The following ADAMTS17 variants were observed in gnomAD, a reference collection of about 807,000 sequenced individuals.
ADAMTS17 encodes the protein A disintegrin and metalloproteinase with thrombospondin motifs 17.
A neutral mutation model predicts 141.5 loss-of-function variants in ADAMTS17; 113 were observed. The ratio of observed to expected loss-of-function variants is 0.80; its 90% CI spans 0.69 to 0.93. ADAMTS17 has a LOEUF of 0.93. Among genes scored for constraint, ADAMTS17 ranks in the 40% least tolerant of loss-of-function variants. The pLI, the probability that ADAMTS17 is intolerant of heterozygous loss-of-function variation, is 0.00. For synonymous variants in ADAMTS17, 768 were observed against 630.6 expected, an observed-to-expected ratio of 1.22 and a Z score of -3.27; for missense variants, 1,659 against 1,517.9, an observed-to-expected ratio of 1.09 and a Z score of -1.54.
chr15:99,997,599 G>A lies in ADAMTS17; in HGVS notation c.2592-10C>T, dbSNP rs751012843. On this transcript the variant is annotated splice_polypyrimidine_tract_variant and intron_variant, in intron 18 of 21. Transcript: ENST00000268070. This position sits in a 1 kb window ranked among gnomAD's most constrained non-coding sequence, Gnocchi z 4.7. ...CGGGCCTGCCACCCACCTGCCAGAC[G>A]GGAGGAAAGAGAGAGAGAACGACTG... 5.8e-5 allele frequency: 94 copies of A among 1,612,594 alleles called. No homozygotes were observed. The highest frequency in any genetic ancestry group is 7.5e-5 in the Non-Finnish European group (88 of 1,179,914).
chr15:100,157,170 A>G (rs1243497661), intron 8 of ADAMTS17, among the ~76,000 whole-genome samples: 1 of 152,194 alleles, frequency 6.6e-6, no homozygotes, highest in African/African-American at 2.4e-5. Flanking sequence ...AACCACCCTC[A>G]TGATCCAATC....
At chr15:100,110,303 T>C (rs921616762) in intron 13 of ADAMTS17, among the ~76,000 whole-genome samples, 24 of 144,658 alleles carry the variant, frequency 1.7e-4, no homozygotes, top group African/African-American at 5.6e-4. Context: ...CTCACTCTGT[T>C]GCCCAGGCTA....
At chr15:99,982,542 G>A (rs2060502505) in intron 20 of ADAMTS17, among the ~76,000 whole-genome samples, 1 of 152,208 alleles carries the variant, frequency 6.6e-6, no homozygotes, top group African/African-American at 2.4e-5. Flanking sequence ...CCTCCCCTAA[G>A]GCTTCAACGT....
chr15:100,204,362 T>C lies in ADAMTS17; in HGVS notation c.1076-4939A>G, dbSNP rs558155946. ...ACTGCTCAACTACCAAACACCGTCATAGTTATTTCTGGGACATCAAGCTGT... is the reference window on the plus strand; with the variant it reads ...ACTGCTCAACTACCAAACACCGTCACAGTTATTTCTGGGACATCAAGCTGT... On this transcript the variant is annotated intron_variant, in intron 7 of 21. Transcript: ENST00000268070. 2.6e-5 allele frequency among the ~76,000 whole-genome samples: 4 copies of C among 152,354 alleles called. No homozygotes were observed. In the East Asian group the frequency reaches 7.7e-4, roughly 29 times the overall value.
At chr15:99,974,637 T>G in intron 21 of ADAMTS17, 75 bp from the exon 22 acceptor site, 4 of 1,592,308 alleles carry the variant, frequency 2.5e-6, no homozygotes, top group Non-Finnish European at 3.4e-6. Flanking sequence ...CAGGGAGGGC[T>G]TGTGGTCTGA....
At chr15:100,001,672 C>G (rs1285660974) in intron 18 of ADAMTS17, among the ~76,000 whole-genome samples, 2 of 151,978 alleles carry the variant, frequency 1.3e-5, no homozygotes, top group African/African-American at 4.8e-5. Context: ...TACAAGTACT[C>G]CACAGAATCA....
intron 18 of ADAMTS17, among the ~76,000 whole-genome samples, chr15:100,018,235 T>C (rs2061330489): frequency 6.6e-6 from 1 of 152,262 alleles, no homozygotes; most frequent in Non-Finnish European, 1.5e-5. Flanking sequence ...GTAGCCTGTG[T>C]CAGCATTCTT....
At chr15:100,151,286 G>A (rs527645865) in intron 10 of ADAMTS17, among the ~76,000 whole-genome samples, 1 of 152,294 alleles carries the variant, frequency 6.6e-6, no homozygotes, top group African/African-American at 2.4e-5. Flanking sequence ...CAGCCAGTAG[G>A]AGACAACAGC....
rs139172986 is a variant in ADAMTS17, at chr15:100,234,130, G to A, written c.1075+20006C>T. ...GGCCTGGACCGTGGGAGGAATGGCC[G>A]GTGTGGTTCAAAGAGGTCTGATCGG... On this transcript the variant is annotated intron_variant, in intron 7 of 21. Coordinates refer to ENST00000268070, the MANE Select transcript of ADAMTS17 (RefSeq NM_139057.4). Among the ~76,000 whole-genome samples, 336 of 152,268 alleles carry A rather than the reference G, an allele frequency of 2.2e-3. 1 individual carries two copies. The highest frequency in any genetic ancestry group is 6.5e-3 in the African/African-American group (269 of 41,540).
At chr15:100,002,559 C>T (rs934329507) in intron 18 of ADAMTS17, among the ~76,000 whole-genome samples, 1 of 151,994 alleles carries the variant, frequency 6.6e-6, no homozygotes, top group Non-Finnish European at 1.5e-5. Context: ...TCTACATCCG[C>T]CGTCACCTCG....
Position 100,230,028 on chromosome 15 carries a change from C to T in ADAMTS17, c.1075+24108G>A, listed in dbSNP as rs2042428001. ...GCTCCAACTCACTCTGCCCCCACTG[C>T]CAACCACCCATCCCATGCTGAAGTC... On this transcript the variant is annotated intron_variant, in intron 7 of 21. Coordinates refer to ENST00000268070, the MANE Select transcript of ADAMTS17 (RefSeq NM_139057.4). Among the ~76,000 whole-genome samples the T allele has an allele frequency of 2.0e-5, 3 of 152,204 alleles. No individual in the cohort carries two copies. The East Asian group carries it at 5.8e-4, about 29-fold the overall frequency.
intron 3 of ADAMTS17, among the ~76,000 whole-genome samples, chr15:100,310,626 C>G (rs1358440423): frequency 6.6e-6 from 1 of 152,192 alleles, no homozygotes; most frequent in African/African-American, 2.4e-5. Context: ...AGACCTCTGT[C>G]CCTTCACAGC....
At chr15:100,135,699 T>C (rs1256249549) in intron 10 of ADAMTS17, among the ~76,000 whole-genome samples, 1 of 152,184 alleles carries the variant, frequency 6.6e-6, no homozygotes, top group Admixed American at 6.5e-5. Context: ...CAAAACATGA[T>C]TTAAAACAAC....
At chr15:99,990,227 C>A (rs1391886917) in intron 20 of ADAMTS17, among the ~76,000 whole-genome samples, 1 of 151,830 alleles carries the variant, frequency 6.6e-6, no homozygotes, top group Non-Finnish European at 1.5e-5. Flanking sequence ...TTTGTAGAGA[C>A]AGGGTATCCC....
intron 20 of ADAMTS17, among the ~76,000 whole-genome samples, chr15:99,983,809 CT>C (rs1446633616): frequency 1.3e-5 from 2 of 152,260 alleles, no homozygotes; most frequent in Non-Finnish European, 2.9e-5. Flanking sequence ...CTGCCTCAGG[CT>C]GGTTTTGGAT....
chr15:100,337,752 T>C (rs1342306958), intron 2 of ADAMTS17, among the ~76,000 whole-genome samples: 1 of 152,158 alleles, frequency 6.6e-6, no homozygotes, highest in African/African-American at 2.4e-5. Context: ...CTCCTCTCGT[T>C]CACTCTTCCT....
intron 8 of ADAMTS17, among the ~76,000 whole-genome samples, chr15:100,156,516 AC>A (rs1202004090): frequency 6.6e-6 from 1 of 152,130 alleles, no homozygotes; most frequent in Non-Finnish European, 1.5e-5. Flanking sequence ...CCCACATGTG[AC>A]TTCCCCCGTC....
rs532152431 is a variant in ADAMTS17, at chr15:100,033,926, A to G, written c.2591+14931T>C. On this transcript the variant is annotated intron_variant, in intron 18 of 21. Transcript: ENST00000268070. ...CTCCTTCCATTTCCACACCACAGCC[A>G]TGGCTTCAGAGCAGATTGGGAGACT... Among the ~76,000 whole-genome samples, 3 of 152,342 alleles carry G rather than the reference A, an allele frequency of 2.0e-5. No individual in the cohort carries two copies. The South Asian group carries it at 6.2e-4, about 32-fold the overall frequency.
At chr15:99,995,838 C>T (rs2060790853) in intron 19 of ADAMTS17, among the ~76,000 whole-genome samples, 1 of 152,182 alleles carries the variant, frequency 6.6e-6, no homozygotes, top group South Asian at 2.1e-4. Flanking sequence ...TTTGCTCAAG[C>T]CTGGGCTAAG....
Sources: allele counts gnomAD v4.1 joint callset (sites outside exome capture counted in the v4.1 genomes callset), GRCh38; gene constraint gnomAD v4.1.1; non-coding constraint Gnocchi (gnomAD v3.1); transcripts MANE v1.5; gene names NCBI Gene and HGNC (gene_info 2026-07-23, HGNC 2026-07-21).